B9D1: variants seen among roughly 807,000 people sequenced by gnomAD.
The protein encoded by B9D1 is B9 domain containing 1.
Under a neutral mutation model 26.1 loss-of-function variants are expected in B9D1, and 20 were observed. The observed-to-expected ratio is 0.77, with a 90% CI of 0.54 to 1.12. The LOEUF (loss-of-function observed/expected upper bound fraction) is 1.12. Among genes scored for constraint, B9D1 ranks in the 50% most tolerant of loss-of-function variants. The probability of loss-of-function intolerance (pLI) is 0.00; values close to 1 mark genes in which losing one functional copy is unlikely to be tolerated. For missense variants in B9D1, 260 were observed against 273.7 expected (o/e 0.95, Z 0.35); for synonymous variants, 105 against 103.1 (o/e 1.02, Z -0.11).
chr17:19,354,052 A>G (rs1459355335), intron 3 of B9D1, among the ~76,000 whole-genome samples: 2 of 152,244 alleles, frequency 1.3e-5, no homozygotes, highest in Non-Finnish European at 2.9e-5. Context: ...TATTTTTATT[A>G]TCATTCAATT....
At chr17:19,335,768 G>T, downstream of B9D1, 2 of 278,126 alleles carry the variant, frequency 7.2e-6, no homozygotes, top group East Asian at 6.2e-5. Flanking sequence ...TAACAAACAT[G>T]CACTAATATT....
At chr17:19,357,202 C>T (rs552845234) in intron 3 of B9D1, among the ~76,000 whole-genome samples, 8 of 152,332 alleles carry the variant, frequency 5.3e-5, no homozygotes, top group East Asian at 1.9e-4. Flanking sequence ...TTGGGAAGCT[C>T]GGATAAGTCC....
chr17:19,337,722 A>G (rs926284434), downstream of B9D1: 14 of 1,534,890 alleles, frequency 9.1e-6, no homozygotes, highest in Admixed American at 3.9e-5. Flanking sequence ...AAACACTGCT[A>G]TCTTTGACAG....
At position 19,372,614 on chromosome 17, in the gene B9D1, A is replaced by C. The variant is rs543182621; in HGVS notation, c.-298+5245T>G. The stretch of plus-strand genomic sequence containing the variant: ...CTTAGCTCCCCAGGGCCGGCCCCCC[A>C]TCTCGGTGCCTGTCACAGATTTCCC... On this transcript the variant is annotated intron_variant, in intron 1 of 5. Transcript: ENST00000477478. The surrounding 1 kb of genome is among the most constrained non-coding windows in gnomAD (Gnocchi z 4.4). Among the ~76,000 whole-genome samples, 2 of 147,426 alleles carry C rather than the reference A, an allele frequency of 1.4e-5. No individual in the cohort carries two copies. Among genetic ancestry groups the C allele is most frequent in the South Asian group, 2.2e-4 (1 of 4,468 alleles).
At chr17:19,376,609 A>C (rs1457431109) in intron 1 of B9D1, among the ~76,000 whole-genome samples, 1 of 117,436 alleles carries the variant, frequency 8.5e-6, no homozygotes, top group African/African-American at 3.4e-5. Context: ...GTGAAACCCC[A>C]TCTCTACTAA....
chr17:19,341,139 G>A, downstream of B9D1: 1 of 1,229,664 alleles, frequency 8.1e-7, no homozygotes, highest in Non-Finnish European at 1.0e-6. Flanking sequence ...AACATAACCA[G>A]AAGAGGGTGA....
At chr17:19,362,243 G>A (rs1172569285) in intron 1 of B9D1, among the ~76,000 whole-genome samples, 1 of 152,250 alleles carries the variant, frequency 6.6e-6, no homozygotes, top group Non-Finnish European at 1.5e-5. Flanking sequence ...GGCATGACCC[G>A]TGCGAGGGCC....
At chr17:19,344,693 C>A in intron 5 of B9D1, 1 of 166,102 alleles carries the variant, frequency 6.0e-6, no homozygotes, top group Non-Finnish European at 1.3e-5. Flanking sequence ...ACCCAAAAGC[C>A]CACGCACCGC....
downstream of B9D1, chr17:19,335,429 T>A (rs1907363501): frequency 6.5e-7 from 1 of 1,550,192 alleles, no homozygotes; most frequent in South Asian, 1.2e-5. Flanking sequence ...ACAGGACTTC[T>A]GTTTACAATG....
chr17:19,358,104 T>C (rs1279938004), intron 2 of B9D1, among the ~76,000 whole-genome samples, 153 bp from the exon 3 acceptor site: 3 of 152,110 alleles, frequency 2.0e-5, no homozygotes, highest in Admixed American at 6.5e-5. Flanking sequence ...TAAGAGATGA[T>C]GGAGTACCTC....
At chr17:19,346,465 T>C (rs1908802057) in intron 5 of B9D1, among the ~76,000 whole-genome samples, 1 of 152,056 alleles carries the variant, frequency 6.6e-6, no homozygotes, top group Non-Finnish European at 1.5e-5. Context: ...ACCCAGGGAG[T>C]CCTCCATGTT....
In B9D1 at chr17:19,359,719, C is replaced by A. The variant is rs1292442158; in HGVS notation, c.132+601G>T. ...CCCTGCATCCCCAGCACCCAGAAGA[C>A]AATCAATAAAGGGAAAAGAAGGATT... On this transcript the variant is annotated intron_variant, in intron 2 of 6. Coordinates refer to ENST00000261499, the MANE Select transcript of B9D1 (RefSeq NM_015681.6). This position sits in a 1 kb window ranked among gnomAD's most constrained non-coding sequence, Gnocchi z 5.0. Among the ~76,000 whole-genome samples the A allele has an allele frequency of 6.6e-6, 1 of 152,174 alleles. No individual in the cohort carries two copies. The highest frequency in any genetic ancestry group is 1.5e-5 in the Non-Finnish European group (1 of 68,028).
chr17:19,355,788 C>T (rs1910268221), intron 3 of B9D1, among the ~76,000 whole-genome samples: 2 of 151,962 alleles, frequency 1.3e-5, no homozygotes, highest in African/African-American at 2.4e-5. Context: ...GAGCTGAGAT[C>T]GTGCCACTGC....
intron 1 of B9D1, among the ~76,000 whole-genome samples, chr17:19,374,792 T>G (rs190608553): frequency 6.6e-6 from 1 of 152,248 alleles, no homozygotes; most frequent in Non-Finnish European, 1.5e-5. Context: ...TTAAAAACTT[T>G]TGTGGAACAG....
chr17:19,343,096 G>A, downstream of B9D1: 4 of 1,416,668 alleles, frequency 2.8e-6, no homozygotes, highest in Non-Finnish European at 3.7e-6. Flanking sequence ...CCTGGAGGTG[G>A]GGCCAGGAAA....
chr17:19,351,665 G>C (rs1303869957), intron 3 of B9D1, among the ~76,000 whole-genome samples: 1 of 152,158 alleles, frequency 6.6e-6, no homozygotes, highest in Non-Finnish European at 1.5e-5. Context: ...CTTTCTTTGT[G>C]AGAACATTTT....
At chr17:19,358,308 C>T (rs1011133400) in intron 2 of B9D1, among the ~76,000 whole-genome samples, 1 of 152,108 alleles carries the variant, frequency 6.6e-6, no homozygotes, top group East Asian at 1.9e-4. Flanking sequence ...TCGGTAAATA[C>T]GTAAATGTGT....
intron 1 of B9D1, among the ~76,000 whole-genome samples, chr17:19,375,093 T>G (rs1598105482): frequency 6.6e-6 from 1 of 151,444 alleles, no homozygotes; most frequent in East Asian, 2.0e-4. Flanking sequence ...AGTTCAAGAC[T>G]AGCCTGGCCA....
chr17:19,344,358 G>T (rs896921217), intron 5 of B9D1: 1 of 240,596 alleles, frequency 4.2e-6, no homozygotes, highest in East Asian at 1.3e-4. Flanking sequence ...CTAGTGTGGG[G>T]TCCAGGACAT....
Sources: allele counts gnomAD v4.1 joint callset (sites outside exome capture counted in the v4.1 genomes callset), GRCh38; gene constraint gnomAD v4.1.1; non-coding constraint Gnocchi (gnomAD v3.1); transcripts MANE v1.5; gene names NCBI Gene and HGNC (gene_info 2026-07-23, HGNC 2026-07-21).